CHMP6: variants seen among roughly 807,000 people sequenced by gnomAD.
CHMP6 encodes the protein charged multivesicular body protein 6.
A neutral mutation model predicts 32.8 loss-of-function variants in CHMP6; 10 were observed. The ratio of observed to expected loss-of-function variants is 0.30; its 90% CI spans 0.19 to 0.52. The LOEUF (loss-of-function observed/expected upper bound fraction) is 0.52, where lower values mean the gene tolerates loss of function less well. Among genes scored for constraint, CHMP6 ranks in the 20% least tolerant of loss-of-function variants. CHMP6 has a pLI of 0.97. For synonymous variants in CHMP6, 123 were observed against 105.8 expected (o/e 1.16, Z -1.00); for missense variants, 269 against 263.8 (o/e 1.02, Z -0.14).
At chr17:80,995,128 C>G in intron 3 of CHMP6, 22 bp downstream of exon 3, 1 of 1,584,902 alleles carries the variant, frequency 6.3e-7, no homozygotes, top group Non-Finnish European at 8.6e-7. Context: ...GGTGCTTCGC[C>G]CTGGAGTGCA....
Position 80,999,251 on chromosome 17 carries a change from C to G in CHMP6, c.*98C>G. On this transcript the variant is annotated 3_prime_UTR_variant, in exon 8 of 8. Coordinates refer to ENST00000325167, the MANE Select transcript of CHMP6 (RefSeq NM_024591.5). ...AGCCCCTGACCGGGTTCCCTGGAGC[C>G]CAGTGCGCACGGTGCTGAGCAGAGC... 3 of 1,390,230 alleles carry G rather than the reference C, an allele frequency of 2.2e-6. No individual in the cohort carries two copies. In the East Asian group the frequency reaches 6.9e-5, roughly 32 times the overall value. The allele number at this position is 1,390,230 out of a possible 1,614,324, so 86.1% of individuals were successfully genotyped here. A position where few individuals can be genotyped will look rare whatever the true frequency, so the allele number is the denominator to read the frequency against.
intron 3 of CHMP6, among the ~76,000 whole-genome samples, chr17:80,995,391 T>C (rs1479378704): frequency 6.6e-6 from 1 of 152,068 alleles, no homozygotes; most frequent in Non-Finnish European, 1.5e-5. Flanking sequence ...GGGGACTGAG[T>C]GTCCCTGGTG....
chr17:80,997,616 G>A (rs8064814), intron 6 of CHMP6, among the ~76,000 whole-genome samples: 11 of 152,216 alleles, frequency 7.2e-5, no homozygotes, highest in African/African-American at 2.6e-4. Flanking sequence ...GGCTGTCACG[G>A]ATGTGGTGCT....
Position 80,991,893 on chromosome 17 carries a change from G to A in CHMP6, c.-26G>A. 2 of 1,440,502 alleles carry A rather than the reference G, an allele frequency of 1.4e-6. No homozygotes were observed. Among genetic ancestry groups the A allele is most frequent in the South Asian group, 2.7e-5 (2 of 74,846 alleles). 89.2% of individuals were successfully genotyped at this position (1,440,502 alleles called of 1,614,324 possible). ...CGGCGGTGGCGATTGGACTTGGTGG[G>A]TCCCGGGCCAGGGGCGGGCGCCGCC... On this transcript the variant is annotated 5_prime_UTR_variant, in exon 1 of 8. Transcript: ENST00000325167.
At position 80,992,113 on chromosome 17, in the gene CHMP6, G is replaced by C. The variant is rs538738503; in HGVS notation, c.63+132G>C. The stretch of plus-strand genomic sequence containing the variant: ...TGGGGAAACTGAGGCGCAGCGCGCA[G>C]CCGGGCCCCTCGGTCTCTCCGCCCT... On this transcript the variant is annotated intron_variant, in intron 1 of 7. Transcript: ENST00000325167. 343 of 553,706 alleles carry C rather than the reference G, an allele frequency of 6.2e-4. 5 individuals carry two copies. In the African/African-American group the frequency reaches 6.4e-3, roughly 10 times the overall value. The allele number at this position is 553,706 out of a possible 1,614,324, so 34.3% of individuals were successfully genotyped here.
In CHMP6 at chr17:80,999,417, C is replaced by A. The variant is rs185918398; in HGVS notation, c.*264C>A. 1,584 of 470,402 alleles carry A rather than the reference C, an allele frequency of 3.4e-3. 6 individuals are homozygous for A. The highest frequency in any genetic ancestry group is 4.5e-3 in the Non-Finnish European group (1,159 of 256,126). The allele number at this position is 470,402 out of a possible 1,614,324, so 29.1% of individuals were successfully genotyped here. A position where few individuals can be genotyped will look rare whatever the true frequency, so the allele number is the denominator to read the frequency against. On this transcript the variant is annotated 3_prime_UTR_variant, in exon 8 of 8. Transcript: ENST00000325167. ...CCCAGCTTCTGCCGGTTGTGGGCTC[C>A]CCCGGTGGCCGAGGCCCAGGCCCAA...
intron 1 of CHMP6, among the ~76,000 whole-genome samples, chr17:80,993,363 A>G (rs901256543): frequency 6.6e-5 from 10 of 151,714 alleles, no homozygotes; most frequent in African/African-American, 2.4e-4. Context: ...GCCTGGCCAC[A>G]CCTGCCTGCC....
At chr17:80,996,792 AC>A (rs1289686441) in intron 4 of CHMP6, among the ~76,000 whole-genome samples, 1 of 152,210 alleles carries the variant, frequency 6.6e-6, no homozygotes, top group East Asian at 1.9e-4. Context: ...TTAAACAGGG[AC>A]AGGAGCTGGG....
At chr17:80,997,923 G>A (rs1461231543) in intron 6 of CHMP6, among the ~76,000 whole-genome samples, 2 of 152,264 alleles carry the variant, frequency 1.3e-5, no homozygotes, top group Non-Finnish European at 2.9e-5. Context: ...GTCCTCCGGG[G>A]CCTCCAGGGA....
chr17:80,997,178 G>A, intron 5 of CHMP6, 83 bp from the exon 6 acceptor site: 1 of 1,602,138 alleles, frequency 6.2e-7, no homozygotes. Context: ...CTCTCAAGGG[G>A]ACGAGACCCA....
At position 80,991,954 on chromosome 17, in the gene CHMP6, C is replaced by A; in HGVS notation, c.36C>A (p.Arg12=). The part of the protein sequence containing the change: ...GNLFGRKKQS[R]VTEQDKAILQ... ...TGTTCGGCCGCAAGAAGCAGAGCCG[C>A]GTCACGGAGCAGGACAAGGCCATCC... Residue 12 remains arginine (R), a synonymous_variant, in exon 1 of 8, where the codon CGC becomes CGA. Transcript: ENST00000325167. 6.8e-7 allele frequency: 1 copy of A among 1,466,410 alleles called. No homozygotes were observed. The highest frequency in any genetic ancestry group is 9.1e-7 in the Non-Finnish European group (1 of 1,102,496). The allele number at this position is 1,466,410 out of a possible 1,614,324, so 90.8% of individuals were successfully genotyped here.
At chr17:80,998,163 G>A (rs980455143) in intron 6 of CHMP6, among the ~76,000 whole-genome samples, 5 of 152,296 alleles carry the variant, frequency 3.3e-5, no homozygotes, top group East Asian at 1.9e-4. Context: ...CCATGGTAGC[G>A]GCTGCGTCAC....
Position 80,997,180 on chromosome 17 carries a change from C to G in CHMP6, c.415-81C>G, listed in dbSNP as rs534627562. ...GAGCGGCCGCCTTCTCTCAAGGGGACGAGACCCAGCCACAGGCCATCTCCT... is the reference window on the plus strand; with the variant it reads ...GAGCGGCCGCCTTCTCTCAAGGGGAGGAGACCCAGCCACAGGCCATCTCCT... On this transcript the variant is annotated intron_variant, in intron 5 of 7. Coordinates refer to ENST00000325167, the MANE Select transcript of CHMP6 (RefSeq NM_024591.5). 19 of 1,598,692 alleles carry G rather than the reference C, an allele frequency of 1.2e-5. No individual in the cohort carries two copies. The East Asian group carries it at 1.6e-4, about 13-fold the overall frequency.
chr17:80,999,021 CT>C, intron 7 of CHMP6, 76 bp from the exon 8 acceptor site: 1 of 1,562,010 alleles, frequency 6.4e-7, no homozygotes, highest in Non-Finnish European at 8.8e-7. Context: ...CTTGCCACCC[CT>C]GTGGCCTCGT....
chr17:80,992,564 G>T (rs2069602267), intron 1 of CHMP6, among the ~76,000 whole-genome samples: 1 of 152,208 alleles, frequency 6.6e-6, no homozygotes, highest in Admixed American at 6.5e-5. Context: ...TGCGCCGAAC[G>T]CCTGCCGGGG....
chr17:80,992,243 G>C (rs996540454), intron 1 of CHMP6, among the ~76,000 whole-genome samples: 1 of 151,778 alleles, frequency 6.6e-6, no homozygotes, highest in Non-Finnish European at 1.5e-5. Flanking sequence ...GCCCCGCCGG[G>C]GTGGGCGCGG....
At chr17:80,998,224 G>T in intron 6 of CHMP6, 142 bp from the exon 7 acceptor site, 4 of 903,532 alleles carry the variant, frequency 4.4e-6, no homozygotes, top group Non-Finnish European at 6.8e-6. Flanking sequence ...GCAGACTTGG[G>T]TCTTCTGAGC....
In CHMP6 at chr17:80,998,326, C is replaced by G. The variant is rs780629404; in HGVS notation, c.496-40C>G. ...GGAGGCCCAGGCAGCCCGGGGCAGA[C>G]CTGTCACCTGCTCATAGCCTTACCC... On this transcript the variant is annotated intron_variant, in intron 6 of 7. Transcript: ENST00000325167. 6.2e-6 allele frequency: 10 copies of G among 1,612,966 alleles called. No homozygotes were observed. In the East Asian group the frequency reaches 2.0e-4, roughly 32 times the overall value.
chr17:80,994,499 G>A (rs1030015243), intron 1 of CHMP6, 82 bp from the exon 2 acceptor site: 13 of 1,291,058 alleles, frequency 1.0e-5, no homozygotes, highest in African/African-American at 6.2e-5. Context: ...AGGGCCGCCC[G>A]GCCTCCATGC....
Sources: allele counts gnomAD v4.1 joint callset (sites outside exome capture counted in the v4.1 genomes callset), GRCh38; gene constraint gnomAD v4.1.1; transcripts MANE v1.5; gene names NCBI Gene and HGNC (gene_info 2026-07-23, HGNC 2026-07-21).